Variants in KLF18 observed in about 807,000 individuals in gnomAD.
KLF18 encodes the protein Kruppel-like factor 18.
Position 44,139,754 on chromosome 1 carries a change from G to A in KLF18, c.1878C>T (p.Tyr626=), listed in dbSNP as rs938178213. The change falls in exon 1 of 2, where the codon TAC becomes TAT. Residue 626 remains tyrosine (Y), a synonymous_variant. Coordinates refer to ENST00000634670, the MANE Select transcript of KLF18 (RefSeq NM_001358438.1). ...TAGCAGAGGTTGTCATCTGCCCCCCGTAGAGGGCCTGGTTACCAGTGGAGG... is the reference window on the plus strand; with the variant it reads ...TAGCAGAGGTTGTCATCTGCCCCCCATAGAGGGCCTGGTTACCAGTGGAGG... ...MMTSTGNQAL[Y]GGQMTTSASN... 1.1e-4 allele frequency: 42 copies of A among 387,082 alleles called. No individual in the cohort carries two copies. Among genetic ancestry groups the A allele is most frequent in the East Asian group, 2.2e-4 (6 of 27,538 alleles). The allele number at this position is 387,082 out of a possible 1,614,324, so 24.0% of individuals were successfully genotyped here.
At position 44,140,328 on chromosome 1, in the gene KLF18, G is replaced by T; in HGVS notation, c.1304C>A (p.Thr435Lys). 6 of 65,164 alleles carry T rather than the reference G, an allele frequency of 9.2e-5. 3 individuals are homozygous for T. Among genetic ancestry groups the T allele is most frequent in the East Asian group, 3.0e-4 (2 of 6,748 alleles). The allele number at this position is 65,164 out of a possible 1,614,324, so 4.0% of individuals were successfully genotyped here. A position where few individuals can be genotyped will look rare whatever the true frequency, so the allele number is the denominator to read the frequency against. ...GNQALCGGQM[T>K]TSTGNQNLCG... ...GAGGTTCTGGTTACCAGTGGAGGTC[G>T]TCATCTGCCCTCCACAGAGGGCTTG... Residue 435 changes from threonine (T) to lysine (K), a missense_variant, in exon 1 of 2, where the codon ACG (threonine) becomes AAG (lysine). Transcript: ENST00000634670.
chr1:44,139,954 C>G lies in KLF18; in HGVS notation c.1678G>C (p.Val560Leu), dbSNP rs1184728043. Residue 560 changes from valine (V) to leucine (L), a missense_variant, in exon 1 of 2, where the codon GTG becomes CTG. Physicochemically the swap from Val to Leu is conservative, Grantham distance 32. Transcript: ENST00000634670. ...GCCTGGTTACCAGTGGAGGTCGTCA[C>G]CTGCTCCCCACAGAGGGTCTGGTTA... ...TSNQTLCGEQ[V>L]TTSTGNQALY... 2.8e-6 allele frequency: 1 copy of G among 354,616 alleles called. No individual in the cohort carries two copies. The highest frequency in any genetic ancestry group is 5.4e-5 in the Admixed American group (1 of 18,586). 22.0% of individuals were successfully genotyped at this position (354,616 alleles called of 1,614,324 possible). A position where few individuals can be genotyped will look rare whatever the true frequency, so the allele number is the denominator to read the frequency against.
chr1:44,138,281 AGT>A (rs952288102), intron 1 of KLF18, among the ~76,000 whole-genome samples: 4 of 152,272 alleles, frequency 2.6e-5, no homozygotes, highest in Admixed American at 2.0e-4. Flanking sequence ...CAGGCAAGTT[AGT>A]GGGGGGAATA....
Position 44,139,208 on chromosome 1 carries a change from G to A in KLF18, c.2424C>T (p.Tyr808=), listed in dbSNP as rs1215451312. 1.3e-5 allele frequency: 5 copies of A among 390,106 alleles called. No individual in the cohort carries two copies. The highest frequency in any genetic ancestry group is 4.4e-5 in the African/African-American group (2 of 45,804). 24.2% of individuals were successfully genotyped at this position (390,106 alleles called of 1,614,324 possible). Residue 808 remains tyrosine (Y), a synonymous_variant, in exon 1 of 2, where the codon TAC becomes TAT. Transcript: ENST00000634670. ...VTTSTGNQAL[Y]RGQITTSTSN... ...TAGTGGAGGTCGTGATCTGCCCCCT[G>A]TAGAGGGCCTGGTTACCAGTGGAGG...
chr1:44,140,285 CAT>C lies in KLF18; in HGVS notation c.1345_1346del (p.Met449AspfsTer4). ...GNQNLCGEQV[M>X]TSTSNQTLCG... ...AGAGGGTCTGGTTACTAGTGGAGGT[CAT>C]CACTTGCTCTCCACAGAGGTTCTGG... On this transcript the variant is annotated frameshift_variant, in exon 1 of 2. Transcript: ENST00000634670. LOFTEE classifies it high-confidence loss of function. 2 of 352,584 alleles carry C rather than the reference CAT, an allele frequency of 5.7e-6. No homozygotes were observed. The highest frequency in any genetic ancestry group is 3.9e-5 in the East Asian group (1 of 25,772). The allele number at this position is 352,584 out of a possible 1,614,324, so 21.8% of individuals were successfully genotyped here.
In KLF18 at chr1:44,139,858, T is replaced by A. The variant is rs1449783780; in HGVS notation, c.1774A>T (p.Thr592Ser). The A allele has an allele frequency of 1.9e-5, 7 of 377,690 alleles. No homozygotes were observed. Among genetic ancestry groups the A allele is most frequent in the African/African-American group, 4.3e-5 (2 of 46,180 alleles). The allele number at this position is 377,690 out of a possible 1,614,324, so 23.4% of individuals were successfully genotyped here. The change falls in exon 1 of 2, where the codon ACT (threonine) becomes TCT (serine). Residue 592 changes from threonine to serine, a missense_variant. Coordinates refer to ENST00000634670, the MANE Select transcript of KLF18 (RefSeq NM_001358438.1). ...TCCCCACAAAGGGTCTGGTTACTAGTGGAGGTCGTCATCTGCTCTCCACAG... is the reference window on the plus strand; with the variant it reads ...TCCCCACAAAGGGTCTGGTTACTAGAGGAGGTCGTCATCTGCTCTCCACAG... ...TLCGEQMTTS[T>S]SNQTLCGEQV...
intron 1 of KLF18, among the ~76,000 whole-genome samples, chr1:44,138,296 G>A (rs1164673680): frequency 6.6e-6 from 1 of 152,200 alleles, no homozygotes; most frequent in South Asian, 2.1e-4. Flanking sequence ...GGGGAATAAG[G>A]AGGATGAGGG....
intron 1 of KLF18, 21 bp downstream of exon 1, chr1:44,138,641 CCT>C (rs1334853101): frequency 5.8e-5 from 23 of 398,186 alleles, no homozygotes; most frequent in East Asian, 2.5e-4. Flanking sequence ...GCCCCTCACC[CCT>C]GTTTCTGGGC....
Position 44,139,262 on chromosome 1 carries a change from G to T in KLF18, c.2370C>A (p.Asn790Lys). ...CGEQMTTPTSNQTLCGEQVTT... is the reference protein window; with the variant it reads ...CGEQMTTPTSKQTLCGEQVTT... ...TCACCTGCTCCCCACAGAGGGTCTG[G>T]TTACTAGTGGGGGTCGTCATCTGCT... The change falls in exon 1 of 2, where the codon AAC (asparagine) becomes AAA (lysine). Residue 790 changes from asparagine (N) to lysine (K), a missense_variant. Coordinates refer to ENST00000634670, the MANE Select transcript of KLF18 (RefSeq NM_001358438.1). 1 of 389,748 alleles carries T rather than the reference G, an allele frequency of 2.6e-6. No homozygotes were observed. The highest frequency in any genetic ancestry group is 4.5e-6 in the Non-Finnish European group (1 of 222,208). The allele number at this position is 389,748 out of a possible 1,614,324, so 24.1% of individuals were successfully genotyped here. A position where few individuals can be genotyped will look rare whatever the true frequency, so the allele number is the denominator to read the frequency against.
rs1188937494 is a variant in KLF18, at chr1:44,139,777, AG to A, written c.1854del (p.Ser619ProfsTer12). ...CCGTAGAGGGCCTGGTTACCAGTGG[AG>A]GTCATCATCTGCCCCCCATAGAGGG... ...NQALYGGQMM[T>X]STGNQALYGG... On this transcript the variant is annotated frameshift_variant, in exon 1 of 2. Transcript: ENST00000634670. LOFTEE classifies it high-confidence loss of function. The A allele has an allele frequency of 2.6e-6, 1 of 390,748 alleles. No homozygotes were observed. The highest frequency in any genetic ancestry group is 4.5e-6 in the Non-Finnish European group (1 of 222,824). 24.2% of individuals were successfully genotyped at this position (390,748 alleles called of 1,614,324 possible).
Position 44,140,262 on chromosome 1 carries a change from A to G in KLF18, c.1370T>C (p.Leu457Pro), listed in dbSNP as rs1371114652. Reference protein sequence around the residue: ...QVMTSTSNQTLCGEQTTTSTS... With the variant: ...QVMTSTSNQTPCGEQTTTSTS... Reference sequence around the variant, plus strand: ...GGAGGTCGTCGTCTGCTCTCCACAGAGGGTCTGGTTACTAGTGGAGGTCAT... The same window carrying G: ...GGAGGTCGTCGTCTGCTCTCCACAGGGGGTCTGGTTACTAGTGGAGGTCAT... Residue 457 changes from leucine to proline, a missense_variant, in exon 1 of 2, where the codon CTC (leucine) becomes CCC (proline). Coordinates refer to ENST00000634670, the MANE Select transcript of KLF18 (RefSeq NM_001358438.1). 3 of 394,780 alleles carry G rather than the reference A, an allele frequency of 7.6e-6. No individual in the cohort carries two copies. The highest frequency in any genetic ancestry group is 4.3e-5 in the African/African-American group (2 of 46,878). 24.5% of individuals were successfully genotyped at this position (394,780 alleles called of 1,614,324 possible).
At chr1:44,138,581 G>A in intron 1 of KLF18, 83 bp downstream of exon 1, 1 of 397,168 alleles carries the variant, frequency 2.5e-6, no homozygotes, top group Non-Finnish European at 4.4e-6. Flanking sequence ...CTGGCTTAAA[G>A]GAAGTGGCAG....
In KLF18 at chr1:44,141,615, A is replaced by G; in HGVS notation, c.17T>C (p.Leu6Pro). MDSSLLQAIEEIEKFF... is the reference protein window; with the variant it reads MDSSLPQAIEEIEKFF... ...TTTCTCAATTTCCTCAATTGCCTGG[A>G]GAAGACTGGAATCCATCTCTTTGAT... Residue 6 changes from leucine (L) to proline (P), a missense_variant, in exon 1 of 2, where the codon CTC (leucine) becomes CCC (proline). By Grantham distance (98) the Leu-to-Pro change is moderately conservative (BLOSUM62 -3). Coordinates refer to ENST00000634670, the MANE Select transcript of KLF18 (RefSeq NM_001358438.1). The G allele has an allele frequency of 2.5e-6, 1 of 398,632 alleles. No homozygotes were observed. The allele number at this position is 398,632 out of a possible 1,614,324, so 24.7% of individuals were successfully genotyped here.
At position 44,141,227 on chromosome 1, in the gene KLF18, G is replaced by A; in HGVS notation, c.405C>T (p.Thr135=). The change falls in exon 1 of 2, where the codon ACC becomes ACT. Residue 135 remains threonine (T), a synonymous_variant. Coordinates refer to ENST00000634670, the MANE Select transcript of KLF18 (RefSeq NM_001358438.1). Reference sequence around the variant, plus strand: ...AGATTGTCATGTTGCTTGCAGTGATGGTTGTCTTCTGGCAATCAGTGGGTG... The same window carrying A: ...AGATTGTCATGTTGCTTGCAGTGATAGTTGTCTTCTGGCAATCAGTGGGTG... ...KSSPTDCQKT[T]ITASNMTISN... 3 of 398,674 alleles carry A rather than the reference G, an allele frequency of 7.5e-6. No individual in the cohort carries two copies. The highest frequency in any genetic ancestry group is 1.3e-5 in the Non-Finnish European group (3 of 226,142). The allele number at this position is 398,674 out of a possible 1,614,324, so 24.7% of individuals were successfully genotyped here.
chr1:44,139,367 C>G lies in KLF18; in HGVS notation c.2265G>C (p.Gln755His), dbSNP rs1296543. ...CCTGGTTACCAGTGGAGGTTGTCAT[C>G]TGCTCTCCACAGAGGTTCTGGTTAC... is the stretch of plus-strand genomic sequence containing the variant. ...STGNQNLCGE[Q>H]MTTSTGNQAL... Residue 755 changes from glutamine (Q) to histidine (H), a missense_variant, in exon 1 of 2, where the codon CAG becomes CAC. Coordinates refer to ENST00000634670, the MANE Select transcript of KLF18 (RefSeq NM_001358438.1). 5,463 of 343,078 alleles carry G rather than the reference C, an allele frequency of 0.016. 111 individuals are homozygous for G. Among genetic ancestry groups the G allele is most frequent in the Admixed American group, 0.038 (770 of 20,250 alleles). 21.3% of individuals were successfully genotyped at this position (343,078 alleles called of 1,614,324 possible). A position where few individuals can be genotyped will look rare whatever the true frequency, so the allele number is the denominator to read the frequency against.
In KLF18 at chr1:44,137,848, C is replaced by A. The variant is rs1408867290; in HGVS notation, c.3132G>T (p.Lys1044Asn). 5.0e-6 allele frequency: 2 copies of A among 398,458 alleles called. No individual in the cohort carries two copies. The highest frequency in any genetic ancestry group is 4.1e-5 in the African/African-American group (2 of 48,608). The allele number at this position is 398,458 out of a possible 1,614,324, so 24.7% of individuals were successfully genotyped here. A position where few individuals can be genotyped will look rare whatever the true frequency, so the allele number is the denominator to read the frequency against. Residue 1044 changes from lysine (K) to asparagine (N), a missense_variant, in exon 2 of 2, where the codon AAG (lysine) becomes AAT (asparagine). Coordinates refer to ENST00000634670, the MANE Select transcript of KLF18 (RefSeq NM_001358438.1). ...ATAATCCTGGGCGAATGTTGTGGACCTTTGCATGCTGCTTTAGGTGATCAG... is the reference window on the plus strand; with the variant it reads ...ATAATCCTGGGCGAATGTTGTGGACATTTGCATGCTGCTTTAGGTGATCAG... ...ARSDHLKQHAKVHNIRPGL is the reference protein window; with the variant it reads ...ARSDHLKQHANVHNIRPGL
rs373662581 is a variant in KLF18, at chr1:44,140,023, T to C, written c.1609A>G (p.Ser537Gly). 830 of 382,534 alleles carry C rather than the reference T, an allele frequency of 2.2e-3. 6 individuals carry two copies. The highest frequency in any genetic ancestry group is 0.016 in the African/African-American group (703 of 44,198). The allele number at this position is 382,534 out of a possible 1,614,324, so 23.7% of individuals were successfully genotyped here. A position where few individuals can be genotyped will look rare whatever the true frequency, so the allele number is the denominator to read the frequency against. The part of the protein sequence containing the change: ...LYGGQMTTST[S>G]NQTLCGEQMT... ...TGCTCTCCACAGAGGGTCTGGTTAC[T>C]AGTAGAGGTTGTCATCTGCCCCCCG... Residue 537 changes from serine to glycine, a missense_variant, in exon 1 of 2, where the codon AGT (serine) becomes GGT (glycine). Ser to Gly is a moderately conservative substitution (Grantham distance 56). Coordinates refer to ENST00000634670, the MANE Select transcript of KLF18 (RefSeq NM_001358438.1).
Position 44,140,173 on chromosome 1 carries a change from C to G in KLF18, c.1459G>C (p.Gly487Arg). Reference sequence around the variant, plus strand: ...CCAGTGGAGGTCATCATCTGCCCCCCGTAGAGGGCCTGGTTACCAGTGGAG... The same window carrying G: ...CCAGTGGAGGTCATCATCTGCCCCCGGTAGAGGGCCTGGTTACCAGTGGAG... ...TTSTGNQALY[G>R]GQMMTSTGNQ... is the part of the protein sequence containing the mutation. The change falls in exon 1 of 2, where the codon GGG (glycine) becomes CGG (arginine). Residue 487 changes from glycine (G) to arginine (R), a missense_variant. Gly to Arg is a moderately radical substitution (Grantham distance 125). Transcript: ENST00000634670. 2.6e-6 allele frequency: 1 copy of G among 389,780 alleles called. No homozygotes were observed. The highest frequency in any genetic ancestry group is 4.5e-6 in the Non-Finnish European group (1 of 223,876). The allele number at this position is 389,780 out of a possible 1,614,324, so 24.1% of individuals were successfully genotyped here. A position where few individuals can be genotyped will look rare whatever the true frequency, so the allele number is the denominator to read the frequency against.
rs1643226971 is a variant in KLF18 at position 44,140,351 on chromosome 1, T to TTC, written c.1280_1281insGA (p.Ala428LysfsTer8). The TTC allele has an allele frequency of 1.8e-5, 1 of 57,068 alleles. No individual in the cohort carries two copies. The highest frequency in any genetic ancestry group is 5.4e-4 in the African/African-American group (1 of 1,868). 3.5% of individuals were successfully genotyped at this position (57,068 alleles called of 1,614,324 possible). ...TCGTCATCTGCCCTCCACAGAGGGC[T>TTC]TGGTTACCAGTGGAGGTCATCACTT... is the stretch of plus-strand genomic sequence containing the variant. On this transcript the variant is annotated frameshift_variant, in exon 1 of 2. Coordinates refer to ENST00000634670, the MANE Select transcript of KLF18 (RefSeq NM_001358438.1). LOFTEE classifies it high-confidence loss of function.
Sources: allele counts gnomAD v4.1 joint callset (sites outside exome capture counted in the v4.1 genomes callset), GRCh38; gene constraint gnomAD v4.1.1; transcripts MANE v1.5; gene names NCBI Gene and HGNC (gene_info 2026-07-23, HGNC 2026-07-21).